SEC16B: variants seen among roughly 807,000 people sequenced by gnomAD.
SEC16B encodes protein transport protein Sec16B.
A neutral mutation model predicts 141.8 loss-of-function variants in SEC16B; 115 were observed. The ratio of observed to expected loss-of-function variants is 0.81; its 90% CI spans 0.70 to 0.95. SEC16B has a LOEUF of 0.95. Ranked by LOEUF, SEC16B falls within the 40% of genes least tolerant of loss-of-function variation. SEC16B has a pLI of 0.00. For missense variants in SEC16B, 1,291 were observed against 1,312.3 expected, an observed-to-expected ratio of 0.98 and a Z score of 0.25; for synonymous variants, 493 against 492.5, an observed-to-expected ratio of 1.00 and a Z score of -0.01.
intron 16 of SEC16B, 78 bp downstream of exon 16, chr1:177,941,822 G>T: frequency 6.8e-7 from 1 of 1,472,404 alleles, no homozygotes; most frequent in South Asian, 1.3e-5. Context: ...ATGAAATGTA[G>T]AGTCTAAGCT....
At chr1:177,952,092 T>C in intron 11 of SEC16B, 97 bp from the exon 12 acceptor site, 1 of 1,062,622 alleles carries the variant, frequency 9.4e-7, no homozygotes, top group South Asian at 1.4e-5. Context: ...TATTAGATTT[T>C]GGCAGCTTCC....
At chr1:177,952,055 C>T (rs1652235121) in intron 11 of SEC16B, 60 bp from the exon 12 acceptor site, 1 of 1,408,604 alleles carries the variant, frequency 7.1e-7, no homozygotes, top group Non-Finnish European at 9.8e-7. Context: ...ACCCATTGCC[C>T]ACAAGGCTCA....
rs144275300 is a variant in SEC16B at position 177,980,197 on chromosome 1, C to A, written c.-59+4009G>T. 1.2e-4 allele frequency among the ~76,000 whole-genome samples: 19 copies of A among 152,230 alleles called. No homozygotes were observed. The East Asian group carries it at 3.1e-3, about 25-fold the overall frequency. On this transcript the variant is annotated intron_variant and NMD_transcript_variant, in intron 1 of 24. Transcript: ENST00000528461. ...TCATAACATTATGACACTGTGACAC[C>A]ATGTCCTAGTGCTGATCTAGATGTC...
intron 19 of SEC16B, among the ~76,000 whole-genome samples, chr1:177,936,625 G>C (rs1053562894): frequency 2.0e-5 from 3 of 152,128 alleles, no homozygotes; most frequent in Admixed American, 2.0e-4. Flanking sequence ...GCAACATCAA[G>C]CTAGGTCACA....
At position 177,944,679 on chromosome 1, in the gene SEC16B, A is replaced by G; in HGVS notation, c.1776-13T>C. ...CAAAAACTCTTGACTAAAACCAGAG[A>G]ATAACAATAAAAGAGATTGAGGTGT... On this transcript the variant is annotated splice_polypyrimidine_tract_variant and intron_variant, in intron 14 of 25. Transcript: ENST00000308284. The G allele has an allele frequency of 1.2e-6, 2 of 1,605,552 alleles. No homozygotes were observed. Among genetic ancestry groups the G allele is most frequent in the South Asian group, 2.2e-5 (2 of 90,808 alleles).
intron 1 of SEC16B, among the ~76,000 whole-genome samples, chr1:177,979,823 G>A (rs1654331691): frequency 1.3e-5 from 2 of 152,146 alleles, no homozygotes; most frequent in Admixed American, 6.5e-5. Context: ...CTTGTGTAGG[G>A]AAACACCTCC....
chr1:177,965,315 C>T lies in SEC16B; in HGVS notation c.413-148G>A, dbSNP rs537815376. ...AATTGAAAAAATAGATAGGTGAGAG[C>T]TAATAAAGAAAGTCCATAGGACGCC... On this transcript the variant is annotated intron_variant, in intron 3 of 25. Coordinates refer to ENST00000308284, the MANE Select transcript of SEC16B (RefSeq NM_033127.4). 3.1e-5 allele frequency: 30 copies of T among 977,552 alleles called. No homozygotes were observed. In the Admixed American group the frequency reaches 5.6e-4, roughly 18 times the overall value. 60.6% of individuals were successfully genotyped at this position (977,552 alleles called of 1,614,324 possible).
At chr1:177,936,685 C>T (rs1650868879) in intron 19 of SEC16B, among the ~76,000 whole-genome samples, 1 of 152,156 alleles carries the variant, frequency 6.6e-6, no homozygotes, top group Non-Finnish European at 1.5e-5. Context: ...TGGACAGGAC[C>T]TAATCCTGGA....
chr1:177,974,845 CACAATT>C (rs772822323), upstream of SEC16B, among the ~76,000 whole-genome samples: 16 of 152,148 alleles, frequency 1.1e-4, no homozygotes, highest in Non-Finnish European at 2.1e-4. Flanking sequence ...ACTGGAAATA[CACAATT>C]ACTGAAGAAA....
intron 14 of SEC16B, 50 bp from the exon 15 acceptor site, chr1:177,944,716 G>T: frequency 6.8e-7 from 1 of 1,481,390 alleles, no homozygotes; most frequent in East Asian, 2.3e-5. Context: ...GGGGACGCAG[G>T]AGTTAAATCC....
rs77169763 is a variant in SEC16B at position 177,933,278 on chromosome 1, G to A, written c.2759C>T (p.Ser920Leu). The A allele has an allele frequency of 7.6e-5, 122 of 1,601,004 alleles. 1 individual carries two copies. In the East Asian group the frequency reaches 1.2e-3, roughly 16 times the overall value. Reference sequence around the variant, plus strand: ...GGGGGATGCGTTCTTGGTGGGCTTCGATCGAAACCAGCTGAACCAGCCAAA... The same window carrying A: ...GGGGGATGCGTTCTTGGTGGGCTTCAATCGAAACCAGCTGAACCAGCCAAA... ...SGFGWFSWFR[S>L]KPTKNASPAG... is the part of the protein sequence containing the mutation. The change falls in exon 22 of 26, where the codon TCG (serine) becomes TTG (leucine). Residue 920 changes from serine (S) to leucine (L), a missense_variant. By Grantham distance (145) the Ser-to-Leu change is moderately radical (BLOSUM62 -2). Transcript: ENST00000308284.
intron 12 of SEC16B, 149 bp from the exon 13 acceptor site, chr1:177,948,091 C>G (rs1007242979): frequency 3.8e-5 from 29 of 756,700 alleles, no homozygotes; most frequent in Non-Finnish European, 6.2e-5. Flanking sequence ...ATTTAGAGCT[C>G]TCATCTTTAA....
intron 18 of SEC16B, 72 bp downstream of exon 18, chr1:177,939,630 A>T: frequency 7.7e-7 from 1 of 1,303,386 alleles, no homozygotes; most frequent in Non-Finnish European, 1.1e-6. Context: ...GTGCTTTCAT[A>T]AATTACTTTG....
chr1:177,966,863 G>A (rs1184373786), intron 2 of SEC16B, among the ~76,000 whole-genome samples: 2 of 152,148 alleles, frequency 1.3e-5, no homozygotes, highest in African/African-American at 4.8e-5. Flanking sequence ...GCGTGATCCA[G>A]GAGCCTGGCC....
At position 177,951,977 on chromosome 1, in the gene SEC16B, C is replaced by T. The variant is rs369142539; in HGVS notation, c.1482G>A (p.Ala494=). 1,317 of 1,604,202 alleles carry T rather than the reference C, an allele frequency of 8.2e-4. 3 individuals carry two copies. The highest frequency in any genetic ancestry group is 1.0e-3 in the Non-Finnish European group (1,195 of 1,175,776). Residue 494 remains alanine (A), a synonymous_variant, in exon 12 of 26, where the codon GCG becomes GCA. Coordinates refer to ENST00000308284, the MANE Select transcript of SEC16B (RefSeq NM_033127.4). Reference sequence around the variant, plus strand: ...AGAGGGTCTGCAGTGGGTCATTGAGCGCCAGCGTGCTGGTGAAGCTGCGGA... The same window carrying T: ...AGAGGGTCTGCAGTGGGTCATTGAGTGCCAGCGTGCTGGTGAAGCTGCGGA... The part of the protein sequence containing the change: ...WVMSGFTSTL[A]LNDPLQTLFQ...
chr1:177,936,593 T>C (rs1650863516), intron 19 of SEC16B, among the ~76,000 whole-genome samples: 2 of 152,150 alleles, frequency 1.3e-5, no homozygotes, highest in Admixed American at 1.3e-4. Flanking sequence ...AAAGCCACTC[T>C]TCAGGAATCT....
chr1:177,947,865 C>A lies in SEC16B; in HGVS notation c.1623G>T (p.Glu541Asp). The A allele has an allele frequency of 6.4e-7, 1 of 1,559,018 alleles. No individual in the cohort carries two copies. The highest frequency in any genetic ancestry group is 1.9e-5 in the Admixed American group (1 of 52,056). ...TGGCAACAATCGCACGCTGATACAG[C>A]TCTGGGTCCCCAGCCTGATTCGACA... ...VILSNQAGDP[E>D]LYQRAIVAIG... Residue 541 changes from glutamate to aspartate, a missense_variant, in exon 13 of 26, where the codon GAG becomes GAT. Glu to Asp is a conservative substitution (Grantham distance 45). Coordinates refer to ENST00000308284, the MANE Select transcript of SEC16B (RefSeq NM_033127.4).
intron 7 of SEC16B, 130 bp downstream of exon 7, chr1:177,960,661 C>T (rs1652986405): frequency 9.7e-7 from 1 of 1,030,400 alleles, no homozygotes; most frequent in Non-Finnish European, 1.4e-6. Context: ...GGGTACATGG[C>T]CCAGTTTCCC....
chr1:177,947,775 G>A (rs1289616498), intron 13 of SEC16B, 50 bp downstream of exon 13: 2 of 1,117,270 alleles, frequency 1.8e-6, no homozygotes, highest in Non-Finnish European at 2.6e-6. Context: ...GAGGGGAGGG[G>A]AGGGAAGGGA....
Sources: allele counts gnomAD v4.1 joint callset (sites outside exome capture counted in the v4.1 genomes callset), GRCh38; gene constraint gnomAD v4.1.1; transcripts MANE v1.5; gene names NCBI Gene and HGNC (gene_info 2026-07-23, HGNC 2026-07-21).